LRRC37A2: variants seen among roughly 807,000 people sequenced by gnomAD.
LRRC37A2 encodes the protein leucine-rich repeat-containing protein 37A2.
Under a neutral mutation model 68.8 loss-of-function variants are expected in LRRC37A2, and 9 were observed. That is an observed-to-expected ratio of 0.13 (90% CI 0.08 to 0.23). The LOEUF (loss-of-function observed/expected upper bound fraction) is 0.23, where lower values mean the gene tolerates loss of function less well. Among genes scored for constraint, LRRC37A2 ranks in the 10% least tolerant of loss-of-function variants. The probability of loss-of-function intolerance (pLI) is 1.00; values close to 1 mark genes in which losing one functional copy is unlikely to be tolerated. For synonymous variants in LRRC37A2, 63 were observed against 367.6 expected (o/e 0.17, Z 9.48); for missense variants, 168 against 950.4 (o/e 0.18, Z 10.82).
the LRRC37A2 span, chr17:46,875,303 C>T: frequency 6.2e-7 from 1 of 1,613,902 alleles, no homozygotes; most frequent in African/African-American, 1.3e-5. Context: ...TCCTGGGGTC[C>T]AAGAGAGGAA....
the LRRC37A2 span, chr17:46,955,518 T>C: frequency 6.6e-6 from 1 of 152,186 alleles, no homozygotes; most frequent in East Asian, 1.9e-4. Context: ...CAAATTCTTA[T>C]CTCAACAAGA....
the LRRC37A2 span, among the ~76,000 whole-genome samples, chr17:47,043,777 A>C: frequency 0.55 from 69,612 of 125,826 alleles, 19,350 homozygotes; most frequent in South Asian, 0.65. Context: ...CAGTGGCTCA[A>C]GCTGGTAATC....
the LRRC37A2 span, chr17:46,875,101 G>T: frequency 6.2e-7 from 1 of 1,613,630 alleles, no homozygotes; most frequent in Non-Finnish European, 8.5e-7. Flanking sequence ...CCCGATCCAG[G>T]CTTCAAAGAG....
At chr17:46,501,489 A>T in the LRRC37A2 span, among the ~76,000 whole-genome samples, 1 of 151,264 alleles carries the variant, frequency 6.6e-6, no homozygotes, top group South Asian at 2.1e-4. Context: ...ATTTACCTTT[A>T]TGTGAATTTA....
chr17:46,887,108 T>C, the LRRC37A2 span, among the ~76,000 whole-genome samples: 1 of 152,182 alleles, frequency 6.6e-6, no homozygotes, highest in Non-Finnish European at 1.5e-5. Flanking sequence ...TGAGCCACTG[T>C]GCCCGGCCAG....
At chr17:46,907,124 C>A in the LRRC37A2 span, among the ~76,000 whole-genome samples, 7 of 152,180 alleles carry the variant, frequency 4.6e-5, no homozygotes, top group Non-Finnish European at 7.3e-5. Context: ...GAAGCAGTTG[C>A]CAATGAAGGG....
chr17:46,721,904 C>A, the LRRC37A2 span: 1 of 1,591,362 alleles, frequency 6.3e-7, no homozygotes, highest in Non-Finnish European at 8.6e-7. Context: ...ATGCTTCCCA[C>A]TGAACTTTTT....
At chr17:46,851,599 G>T in the LRRC37A2 span, 3 of 1,176,584 alleles carry the variant, frequency 2.5e-6, no homozygotes, top group Non-Finnish European at 3.2e-6. The surrounding 1 kb of genome is among the most constrained non-coding windows in gnomAD (Gnocchi z 4.3). Flanking sequence ...GAGCTTGAGC[G>T]GCGCGAGGAG....
At chr17:46,741,814 T>C in the LRRC37A2 span, among the ~76,000 whole-genome samples, 1 of 152,202 alleles carries the variant, frequency 6.6e-6, no homozygotes. Flanking sequence ...TTGCCCAGGC[T>C]GGAGTGCAGT....
the LRRC37A2 span, chr17:46,851,737 C>T: frequency 3.2e-6 from 4 of 1,242,602 alleles, no homozygotes; most frequent in African/African-American, 3.1e-5. This position sits in a 1 kb window ranked among gnomAD's most constrained non-coding sequence, Gnocchi z 4.3. Flanking sequence ...CCGCGCCCCC[C>T]GCCCGCTCCC....
At chr17:46,755,232 C>G in the LRRC37A2 span, 10 of 1,044,484 alleles carry the variant, frequency 9.6e-6, no homozygotes, top group Middle Eastern at 2.0e-4. Flanking sequence ...AGTGTGAAAC[C>G]GAACACTGCC....
the LRRC37A2 span, among the ~76,000 whole-genome samples, chr17:46,866,620 G>C: frequency 6.6e-6 from 1 of 152,070 alleles, no homozygotes; most frequent in African/African-American, 2.4e-5. Flanking sequence ...GGGTTTTTCA[G>C]GGTGGAAGCC....
the LRRC37A2 span, among the ~76,000 whole-genome samples, chr17:46,676,147 T>C: frequency 7.1e-6 from 1 of 140,878 alleles, no homozygotes; most frequent in East Asian, 2.3e-4. Flanking sequence ...AAATATCTGC[T>C]GCCACCACAG....
the LRRC37A2 span, among the ~76,000 whole-genome samples, chr17:46,583,517 G>A: frequency 1.3e-5 from 1 of 76,398 alleles, no homozygotes; most frequent in South Asian, 5.4e-4. Context: ...GGCTCGTCTC[G>A]AACTCCTGAC....
the LRRC37A2 span, among the ~76,000 whole-genome samples, chr17:46,847,539 A>G: frequency 1.3e-5 from 2 of 152,214 alleles, no homozygotes; most frequent in Non-Finnish European, 2.9e-5. Flanking sequence ...CAAGAAGGCC[A>G]GGTCACCTGG....
chr17:46,492,983 T>C, the LRRC37A2 span, among the ~76,000 whole-genome samples: 9 of 147,240 alleles, frequency 6.1e-5, no homozygotes, highest in South Asian at 2.1e-4. Flanking sequence ...CGTGAGCCAC[T>C]GCGCCTGGCC....
At chr17:46,902,780 A>C in the LRRC37A2 span, among the ~76,000 whole-genome samples, 1 of 152,126 alleles carries the variant, frequency 6.6e-6, no homozygotes, top group South Asian at 2.1e-4. Context: ...TGATAGAGAG[A>C]GCCCTGGTTT....
the LRRC37A2 span, chr17:46,762,537 T>A: frequency 6.6e-6 from 1 of 151,630 alleles, no homozygotes; most frequent in Non-Finnish European, 1.5e-5. Flanking sequence ...CTTTAATGAC[T>A]TAACAGAAAA....
chr17:46,622,581 G>A, the LRRC37A2 span, among the ~76,000 whole-genome samples: 5 of 147,732 alleles, frequency 3.4e-5, no homozygotes, highest in African/African-American at 1.0e-4. Flanking sequence ...TCAGGAGTTC[G>A]AGACCAGCCT....
Sources: allele counts gnomAD v4.1 joint callset (sites outside exome capture counted in the v4.1 genomes callset), GRCh38; gene constraint gnomAD v4.1.1; non-coding constraint Gnocchi (gnomAD v3.1); transcripts MANE v1.5; gene names NCBI Gene and HGNC (gene_info 2026-07-23, HGNC 2026-07-21).